DPYD: variants seen among roughly 807,000 people sequenced by gnomAD.
The protein encoded by DPYD is dihydropyrimidine dehydrogenase.
A neutral mutation model predicts 116.2 loss-of-function variants in DPYD; 109 were observed. The observed-to-expected ratio is 0.94, with a 90% CI of 0.80 to 1.10. The LOEUF is 1.10. Among genes scored for constraint, DPYD ranks in the 50% least tolerant of loss-of-function variants. The pLI, the probability that DPYD is intolerant of heterozygous loss-of-function variation, is 0.00. For synonymous variants in DPYD, 440 were observed against 432.0 expected, an observed-to-expected ratio of 1.02 and a Z score of -0.23; for missense variants, 1,302 against 1,254.5, an observed-to-expected ratio of 1.04 and a Z score of -0.57.
chr1:97,181,459 A>T (rs1657639267), intron 20 of DPYD, among the ~76,000 whole-genome samples: 1 of 152,088 alleles, frequency 6.6e-6, no homozygotes, highest in Non-Finnish European at 1.5e-5. Context: ...TACTGCCCAA[A>T]CTTGAAGTTA....
chr1:97,600,759 T>C (rs1655197562), intron 8 of DPYD, among the ~76,000 whole-genome samples: 1 of 152,174 alleles, frequency 6.6e-6, no homozygotes, highest in Non-Finnish European at 1.5e-5. Context: ...TTGTTTGACT[T>C]AATGAAATGA....
At chr1:97,187,725 T>C (rs976424135) in intron 20 of DPYD, among the ~76,000 whole-genome samples, 1 of 152,162 alleles carries the variant, frequency 6.6e-6, no homozygotes, top group Non-Finnish European at 1.5e-5. Flanking sequence ...AAGTCTTTGA[T>C]GGGTTTTGAG....
At chr1:97,375,029 C>CAAAA (rs35693384) in intron 15 of DPYD, among the ~76,000 whole-genome samples, 1 of 116,106 alleles carries the variant, frequency 8.6e-6, no homozygotes. Flanking sequence ...ACTCCAGTTC[C>CAAAA]AAAAAAAAAA....
intron 15 of DPYD, 101 bp from the exon 16 acceptor site, chr1:97,373,745 C>A: frequency 9.5e-7 from 1 of 1,049,808 alleles, no homozygotes; most frequent in East Asian, 2.5e-5. Flanking sequence ...CAAGTGTTAA[C>A]TATTCTGTTT....
intron 20 of DPYD, among the ~76,000 whole-genome samples, chr1:97,189,716 C>A (rs1658229177): frequency 6.6e-6 from 1 of 152,090 alleles, no homozygotes; most frequent in Admixed American, 6.6e-5. Flanking sequence ...ATAGTTAAAA[C>A]CTTTGGAGCC....
chr1:97,584,042 G>T (rs1653902629), intron 10 of DPYD, among the ~76,000 whole-genome samples: 1 of 152,288 alleles, frequency 6.6e-6, no homozygotes, highest in African/African-American at 2.4e-5. Flanking sequence ...CAGTGTAAAA[G>T]TGTTCCTATT....
At chr1:97,240,011 T>C (rs1274206836) in intron 18 of DPYD, among the ~76,000 whole-genome samples, 1 of 152,102 alleles carries the variant, frequency 6.6e-6, no homozygotes, top group Non-Finnish European at 1.5e-5. Flanking sequence ...GCCTTCTATG[T>C]TCTTGTGTGT....
At chr1:97,645,372 T>A (rs1658197117) in intron 8 of DPYD, among the ~76,000 whole-genome samples, 1 of 152,264 alleles carries the variant, frequency 6.6e-6, no homozygotes, top group South Asian at 2.1e-4. Context: ...GTTGAGCATC[T>A]CTTCAAAAGT....
chr1:97,914,074 G>A (rs1674099742), intron 1 of DPYD, among the ~76,000 whole-genome samples: 1 of 152,132 alleles, frequency 6.6e-6, no homozygotes, highest in Non-Finnish European at 1.5e-5. Flanking sequence ...TAGGGACACA[G>A]ATTGTCTCTT....
intron 18 of DPYD, among the ~76,000 whole-genome samples, chr1:97,236,608 T>G (rs1046121663): frequency 3.3e-5 from 5 of 151,968 alleles, no homozygotes; most frequent in Non-Finnish European, 5.9e-5. Context: ...ACAGTGAAAA[T>G]ACTATATATA....
Position 97,829,922 on chromosome 1 carries a change from C to T in DPYD, c.151-1726G>A, listed in dbSNP as rs569295095. ...CAGCCCCCCACCCCCAGACAGGCTC[C>T]AGTGTGGGATGTTCCCCACCCTGTG... On this transcript the variant is annotated intron_variant, in intron 2 of 22. Coordinates refer to ENST00000370192, the MANE Select transcript of DPYD (RefSeq NM_000110.4). Among the ~76,000 whole-genome samples, 181 of 151,968 alleles carry T rather than the reference C, an allele frequency of 1.2e-3. 1 individual carries two copies. The Middle Eastern group carries it at 0.024, about 20-fold the overall frequency.
At chr1:97,270,479 A>G (rs1464347041) in intron 18 of DPYD, among the ~76,000 whole-genome samples, 3 of 152,164 alleles carry the variant, frequency 2.0e-5, no homozygotes, top group Non-Finnish European at 4.4e-5. Flanking sequence ...TACAACATTT[A>G]CACCATTCCC....
intron 6 of DPYD, among the ~76,000 whole-genome samples, chr1:97,696,336 G>A (rs1010160034): frequency 6.6e-6 from 1 of 152,032 alleles, no homozygotes; most frequent in Admixed American, 6.6e-5. Context: ...TTGATATGAA[G>A]TTTATACGGA....
intron 8 of DPYD, among the ~76,000 whole-genome samples, chr1:97,636,055 A>C (rs1326428869): frequency 6.6e-6 from 1 of 152,018 alleles, no homozygotes; most frequent in Admixed American, 6.6e-5. Context: ...TCCTGGACTC[A>C]AGCTATCCAC....
At chr1:97,278,623 C>T (rs1665107519) in intron 18 of DPYD, among the ~76,000 whole-genome samples, 1 of 152,100 alleles carries the variant, frequency 6.6e-6, no homozygotes. Context: ...CTAAAAGTTT[C>T]AAAATATGCA....
intron 3 of DPYD, among the ~76,000 whole-genome samples, chr1:97,794,143 A>T (rs1571368317): frequency 6.6e-6 from 1 of 152,002 alleles, no homozygotes. Flanking sequence ...TCACCATGTT[A>T]CCCAGACTAG....
chr1:97,435,829 T>C (rs1675441471), intron 14 of DPYD, among the ~76,000 whole-genome samples: 1 of 151,614 alleles, frequency 6.6e-6, no homozygotes, highest in Non-Finnish European at 1.5e-5. Context: ...AAGAATAAAC[T>C]AGCTACTGGC....
chr1:97,546,948 G>T, intron 12 of DPYD: 6 of 1,606,700 alleles, frequency 3.7e-6, no homozygotes, highest in South Asian at 3.3e-5. Flanking sequence ...AGGAGGAAGA[G>T]GAAGATGATG....
intron 13 of DPYD, among the ~76,000 whole-genome samples, chr1:97,498,772 T>C (rs1482373847): frequency 3.3e-5 from 5 of 151,702 alleles, no homozygotes; most frequent in African/African-American, 1.2e-4. Flanking sequence ...ACCTCAAACA[T>C]ATCCATCACC....
Sources: allele counts gnomAD v4.1 joint callset (sites outside exome capture counted in the v4.1 genomes callset), GRCh38; gene constraint gnomAD v4.1.1; transcripts MANE v1.5; gene names NCBI Gene and HGNC (gene_info 2026-07-23, HGNC 2026-07-21).